SPOCK3: variants seen among roughly 807,000 people sequenced by gnomAD.
SPOCK3 encodes testican-3.
In SPOCK3, 30 loss-of-function variants were observed where a neutral mutation model predicts 56.6. The observed-to-expected ratio is 0.53, with a 90% confidence interval of 0.40 to 0.72. SPOCK3 has a LOEUF of 0.72. Among genes scored for constraint, SPOCK3 ranks in the 30% least tolerant of loss-of-function variants. The probability of loss-of-function intolerance (pLI) is 0.00; values close to 1 mark genes in which losing one functional copy is unlikely to be tolerated. For synonymous variants in SPOCK3, 196 were observed against 183.3 expected, an observed-to-expected ratio of 1.07 and a Z score of -0.56; for missense variants, 527 against 530.0, an observed-to-expected ratio of 0.99 and a Z score of 0.06.
intron 2 of SPOCK3, among the ~76,000 whole-genome samples, chr4:167,138,486 T>A (rs928820895): frequency 6.6e-6 from 1 of 151,878 alleles, no homozygotes; most frequent in Non-Finnish European, 1.5e-5. Flanking sequence ...GGATTGCATT[T>A]CTCTCTTCTT....
intron 2 of SPOCK3, among the ~76,000 whole-genome samples, chr4:167,065,941 C>G (rs1477412378): frequency 6.6e-6 from 1 of 151,818 alleles, no homozygotes; most frequent in Non-Finnish European, 1.5e-5. Context: ...CTGAATGTTT[C>G]AAGAGGCAAA....
chr4:167,104,289 CAG>C (rs1241702888), intron 2 of SPOCK3, among the ~76,000 whole-genome samples: 1 of 152,060 alleles, frequency 6.6e-6, no homozygotes, highest in Non-Finnish European at 1.5e-5. Flanking sequence ...ACATTTCTGA[CAG>C]AGAAATCAAA....
At chr4:167,233,014 G>A (rs545713545) in intron 2 of SPOCK3, among the ~76,000 whole-genome samples, 29 of 152,274 alleles carry the variant, frequency 1.9e-4, no homozygotes, top group South Asian at 8.3e-4. Flanking sequence ...GTAAGGATTG[G>A]CAATGTGTCT....
chr4:166,882,602 T>C (rs879543651), intron 6 of SPOCK3, among the ~76,000 whole-genome samples: 2 of 152,210 alleles, frequency 1.3e-5, no homozygotes, highest in African/African-American at 2.4e-5. Flanking sequence ...CAAGAATTAA[T>C]ACAGAGCTAT....
At chr4:166,922,290 T>C (rs887262311) in intron 4 of SPOCK3, among the ~76,000 whole-genome samples, 1 of 152,194 alleles carries the variant, frequency 6.6e-6, no homozygotes, top group Non-Finnish European at 1.5e-5. Flanking sequence ...ATTACATTCA[T>C]GGAATTCAGA....
chr4:167,229,573 A>G (rs1736946403), intron 2 of SPOCK3, among the ~76,000 whole-genome samples: 1 of 152,088 alleles, frequency 6.6e-6, no homozygotes, highest in African/African-American at 2.4e-5. Flanking sequence ...TTATCTCTTA[A>G]ATAATCTGTG....
intron 4 of SPOCK3, among the ~76,000 whole-genome samples, chr4:166,922,394 A>G (rs979360068): frequency 6.6e-6 from 1 of 152,204 alleles, no homozygotes; most frequent in Non-Finnish European, 1.5e-5. Flanking sequence ...TATCTCATGA[A>G]GTTATATTCA....
At chr4:167,066,533 A>T (rs1756152391) in intron 2 of SPOCK3, among the ~76,000 whole-genome samples, 1 of 151,910 alleles carries the variant, frequency 6.6e-6, no homozygotes, top group Admixed American at 6.6e-5. Context: ...CCACAAATAT[A>T]ATATTGAAAG....
intron 2 of SPOCK3, among the ~76,000 whole-genome samples, chr4:167,126,684 G>C (rs1035281794): frequency 6.6e-6 from 1 of 151,342 alleles, no homozygotes; most frequent in African/African-American, 2.4e-5. Flanking sequence ...CTATACCTGA[G>C]CTCACCTAAG....
chr4:167,078,874 A>G (rs1182678091), intron 2 of SPOCK3, among the ~76,000 whole-genome samples: 4 of 151,910 alleles, frequency 2.6e-5, no homozygotes, highest in African/African-American at 9.7e-5. Flanking sequence ...TTGCAGCTCT[A>G]GGCAAAAGCT....
intron 4 of SPOCK3, among the ~76,000 whole-genome samples, chr4:166,929,541 G>C (rs1461635220): frequency 6.6e-6 from 1 of 151,960 alleles, no homozygotes; most frequent in African/African-American, 2.4e-5. Flanking sequence ...GATTTCAGTA[G>C]CTTAAATATC....
chr4:166,935,899 G>A (rs774411196), intron 4 of SPOCK3, among the ~76,000 whole-genome samples: 3 of 152,112 alleles, frequency 2.0e-5, no homozygotes, highest in African/African-American at 7.2e-5. Flanking sequence ...GTTAGATGTG[G>A]TATATAATAA....
rs539936080 is a variant in SPOCK3 at position 166,950,362 on chromosome 4, G to T, written c.351-37619C>A. ...GAAGGCCATTACATAATGGTAAAGG[G>T]ATCAATTCAACAAGAAGAGCTAACT... On this transcript the variant is annotated intron_variant, in intron 4 of 10. Coordinates refer to ENST00000357545, the MANE Select transcript of SPOCK3 (RefSeq NM_001040159.2). Among the ~76,000 whole-genome samples, 3 of 151,418 alleles carry T rather than the reference G, an allele frequency of 2.0e-5. No individual in the cohort carries two copies. The South Asian group carries it at 6.2e-4, about 31-fold the overall frequency.
chr4:167,081,001 C>T, intron 2 of SPOCK3, among the ~76,000 whole-genome samples: 1 of 151,558 alleles, frequency 6.6e-6, no homozygotes, highest in Non-Finnish European at 1.5e-5. Context: ...CTACCTCAGC[C>T]TCCCGAGTAG....
intron 8 of SPOCK3, among the ~76,000 whole-genome samples, chr4:166,748,245 G>C (rs1448087334): frequency 7.3e-6 from 1 of 137,226 alleles, no homozygotes. Flanking sequence ...ATACTACAAG[G>C]CTATGGTAAC....
At chr4:167,218,355 G>A (rs1232256116) in intron 2 of SPOCK3, among the ~76,000 whole-genome samples, 9 of 152,126 alleles carry the variant, frequency 5.9e-5, no homozygotes, top group African/African-American at 9.7e-5. Context: ...CACCAGGGGT[G>A]CTTTTGTCAC....
chr4:167,110,574 G>C (rs1166999376), intron 2 of SPOCK3, among the ~76,000 whole-genome samples: 2 of 151,938 alleles, frequency 1.3e-5, no homozygotes, highest in Non-Finnish European at 2.9e-5. Context: ...AAAGGTGATA[G>C]GGAAGAATTC....
intron 2 of SPOCK3, among the ~76,000 whole-genome samples, chr4:167,223,362 TATATAA>T (rs1736259912): frequency 6.8e-6 from 1 of 146,744 alleles, no homozygotes; most frequent in Non-Finnish European, 1.5e-5. Context: ...ATTATGTTTA[TATATAA>T]ATATATATTT....
At chr4:166,894,548 A>G (rs989222044) in intron 5 of SPOCK3, among the ~76,000 whole-genome samples, 1 of 152,178 alleles carries the variant, frequency 6.6e-6, no homozygotes, top group African/African-American at 2.4e-5. Context: ...TGGCATCTAG[A>G]AACTGGCAAT....
Sources: allele counts gnomAD v4.1 joint callset (sites outside exome capture counted in the v4.1 genomes callset), GRCh38; gene constraint gnomAD v4.1.1; transcripts MANE v1.5; gene names NCBI Gene and HGNC (gene_info 2026-07-23, HGNC 2026-07-21).